AP2B1: variants seen among roughly 807,000 people sequenced by gnomAD.
AP2B1 encodes AP-2 complex subunit beta.
Under a neutral mutation model 102.0 loss-of-function variants are expected in AP2B1, and 23 were observed. That is an observed-to-expected ratio of 0.23 (90% CI 0.16 to 0.32). The LOEUF is 0.32. Ranked by LOEUF, AP2B1 falls within the 10% of genes least tolerant of loss-of-function variation. The pLI, the probability that AP2B1 is intolerant of heterozygous loss-of-function variation, is 1.00. For synonymous variants in AP2B1, 381 were observed against 421.2 expected (o/e 0.90, Z 1.17); for missense variants, 541 against 1,157.4 (o/e 0.47, Z 7.73).
At chr17:35,711,590 T>C (rs2076450921) in intron 20 of AP2B1, among the ~76,000 whole-genome samples, 1 of 152,036 alleles carries the variant, frequency 6.6e-6, no homozygotes, top group Non-Finnish European at 1.5e-5. Context: ...TGCCTCAGCC[T>C]CCAGAGTAGC....
chr17:35,651,985 C>T (rs757729713), intron 13 of AP2B1, among the ~76,000 whole-genome samples: 9 of 152,174 alleles, frequency 5.9e-5, no homozygotes, highest in African/African-American at 2.2e-4. Flanking sequence ...CCTCTGTAAC[C>T]GTGTTTGTAT....
In AP2B1 at chr17:35,671,755, T is replaced by C. The variant is rs1156650265; in HGVS notation, c.2033T>C (p.Val678Ala). The change falls in exon 16 of 22, where the codon GTG (valine) becomes GCG (alanine). Residue 678 changes from valine to alanine, a missense_variant and splice_region_variant. By Grantham distance (64) the Val-to-Ala change is moderately conservative. Around this residue, in one of 10 missense-constraint regions of AP2B1, gnomAD observed 27 missense variants for 84.1 expected, o/e 0.32. Coordinates refer to ENST00000610402, the MANE Select transcript of AP2B1 (RefSeq NM_001030006.2). Reference protein sequence around the residue: ...LGGGIGGSPAVGQSFIPSSVP... With the variant: ...LGGGIGGSPAAGQSFIPSSVP... ...CTCCCTTTTTTTTTTCTCCTGCAGG[T>C]GGGACAATCCTTCATCCCATCATCG... The C allele has an allele frequency of 1.2e-6, 2 of 1,612,658 alleles. No homozygotes were observed. Among genetic ancestry groups the C allele is most frequent in the African/African-American group, 2.7e-5 (2 of 74,744 alleles).
chr17:35,661,147 G>T (rs1192363289), intron 14 of AP2B1, among the ~76,000 whole-genome samples: 1 of 151,964 alleles, frequency 6.6e-6, no homozygotes, highest in African/African-American at 2.4e-5. Flanking sequence ...CCTGGTTCCT[G>T]ATGACCATAT....
chr17:35,608,771 T>C (rs2142410139), intron 5 of AP2B1, among the ~76,000 whole-genome samples: 1 of 152,340 alleles, frequency 6.6e-6, no homozygotes, highest in African/African-American at 2.4e-5. Context: ...AAAATGATCT[T>C]TATTACCTAA....
In AP2B1 at chr17:35,624,469, A is replaced by G; in HGVS notation, c.598A>G (p.Asn200Asp). The G allele has an allele frequency of 2.5e-6, 4 of 1,614,196 alleles. No homozygotes were observed. The highest frequency in any genetic ancestry group is 3.4e-6 in the Non-Finnish European group (4 of 1,180,022). The change falls in exon 6 of 22, where the codon AAC becomes GAC. Residue 200 changes from asparagine to aspartate, a missense_variant. Physicochemically the swap from Asn to Asp is conservative, Grantham distance 23. Transcript: ENST00000610402. The part of the protein sequence containing the change: ...SHPNSNLLDL[N>D]PQNINKLLTA... ...CCCAAACAGCAACTTACTTGATCTGAACCCACAGAACATTAATAAGCTGCT... is the reference window on the plus strand; with the variant it reads ...CCCAAACAGCAACTTACTTGATCTGGACCCACAGAACATTAATAAGCTGCT...
intron 13 of AP2B1, among the ~76,000 whole-genome samples, chr17:35,654,284 A>G (rs9898972): frequency 0.87 from 132,284 of 152,034 alleles, 57,956 homozygotes; most frequent in African/African-American, 0.97. Context: ...GGCTGGTCTC[A>G]AACTCCTGAC....
At chr17:35,722,149 CAGG>C (rs2143015305) in intron 21 of AP2B1, among the ~76,000 whole-genome samples, 1 of 152,238 alleles carries the variant, frequency 6.6e-6, no homozygotes, top group South Asian at 2.1e-4. Flanking sequence ...GAGGCTCAGG[CAGG>C]AGAATTGCTT....
At chr17:35,645,107 C>T (rs1312068591) in intron 12 of AP2B1, among the ~76,000 whole-genome samples, 3 of 151,576 alleles carry the variant, frequency 2.0e-5, no homozygotes, top group Non-Finnish European at 2.9e-5. Flanking sequence ...TCTGTTTTTT[C>T]CCCAAGTTTG....
intron 10 of AP2B1, 111 bp from the exon 11 acceptor site, chr17:35,639,483 AG>A: frequency 1.2e-6 from 1 of 817,404 alleles, no homozygotes; most frequent in South Asian, 2.1e-5. Flanking sequence ...AAGCTTTTAC[AG>A]TTTGGTGGTT....
chr17:35,618,394 A>G (rs1286122558), intron 5 of AP2B1, among the ~76,000 whole-genome samples: 1 of 152,232 alleles, frequency 6.6e-6, no homozygotes, highest in South Asian at 2.1e-4. Flanking sequence ...CTTTCACTTT[A>G]TTCAAGTCTT....
intron 9 of AP2B1, among the ~76,000 whole-genome samples, chr17:35,630,640 G>C (rs1362164809): frequency 6.6e-6 from 1 of 152,204 alleles, no homozygotes; most frequent in Non-Finnish European, 1.5e-5. Context: ...TTACTAGAAA[G>C]TGTTCTCAAA....
intron 14 of AP2B1, among the ~76,000 whole-genome samples, chr17:35,661,390 A>G (rs1478166753): frequency 6.6e-6 from 1 of 152,188 alleles, no homozygotes; most frequent in Non-Finnish European, 1.5e-5. Flanking sequence ...GAAATTCCAA[A>G]TGGAGTTAGG....
chr17:35,662,361 T>C (rs1260958108), intron 14 of AP2B1, among the ~76,000 whole-genome samples: 2 of 152,146 alleles, frequency 1.3e-5, no homozygotes, highest in African/African-American at 4.8e-5. Flanking sequence ...AACTGAACTA[T>C]CGCTTTGATG....
chr17:35,634,694 C>T (rs150013080), intron 9 of AP2B1, among the ~76,000 whole-genome samples: 1,929 of 152,212 alleles, frequency 0.013, 19 homozygotes, highest in Non-Finnish European at 0.02. Context: ...GGTAAATTGT[C>T]GAGTACTACA....
intron 18 of AP2B1, among the ~76,000 whole-genome samples, chr17:35,690,392 G>A (rs977825570): frequency 6.6e-6 from 1 of 152,212 alleles, no homozygotes; most frequent in Non-Finnish European, 1.5e-5. Context: ...CTTGTGGGGA[G>A]CTAAATTGGG....
intron 5 of AP2B1, among the ~76,000 whole-genome samples, chr17:35,615,927 T>C (rs575239460): frequency 4.1e-4 from 63 of 152,238 alleles, no homozygotes; most frequent in African/African-American, 1.4e-3. Context: ...AGTGGAATCA[T>C]TGGGGGCTGC....
intron 18 of AP2B1, among the ~76,000 whole-genome samples, chr17:35,693,931 G>A (rs997880098): frequency 6.6e-6 from 1 of 152,162 alleles, no homozygotes; most frequent in Admixed American, 6.5e-5. Flanking sequence ...AGGTTGTACT[G>A]TCCACCAGGC....
intron 5 of AP2B1, among the ~76,000 whole-genome samples, chr17:35,611,496 C>T (rs923805052): frequency 4.6e-5 from 7 of 151,928 alleles, no homozygotes; most frequent in South Asian, 2.1e-4. Flanking sequence ...CGCGCACGTG[C>T]GCACACACAC....
chr17:35,685,202 C>T (rs1259202108), intron 18 of AP2B1, among the ~76,000 whole-genome samples: 1 of 152,084 alleles, frequency 6.6e-6, no homozygotes, highest in African/African-American at 2.4e-5. Flanking sequence ...TTGGCATTTC[C>T]CAATGGATAT....
Sources: allele counts gnomAD v4.1 joint callset (sites outside exome capture counted in the v4.1 genomes callset), GRCh38; gene constraint gnomAD v4.1.1; regional missense constraint gnomAD v4.1.1; transcripts MANE v1.5; gene names NCBI Gene and HGNC (gene_info 2026-07-23, HGNC 2026-07-21).